Variants in LIPG observed in about 807,000 individuals in gnomAD.
LIPG encodes endothelial lipase.
A neutral mutation model predicts 51.8 loss-of-function variants in LIPG; 34 were observed. The ratio of observed to expected loss-of-function variants is 0.66; its 90% CI spans 0.50 to 0.87. The LOEUF (loss-of-function observed/expected upper bound fraction) is 0.87, where lower values mean the gene tolerates loss of function less well. LIPG is among the 40% of genes least tolerant of loss of function. The pLI, the probability that LIPG is intolerant of heterozygous loss-of-function variation, is 0.00. For synonymous variants in LIPG, 246 were observed against 246.1 expected (o/e 1.00, Z 0.00); for missense variants, 580 against 652.7 (o/e 0.89, Z 1.21).
In LIPG at chr18:49,581,578, T is replaced by C; in HGVS notation, c.957T>C (p.Ile319=). Residue 319 remains isoleucine, a synonymous_variant, in exon 6 of 10, where the codon ATT becomes ATC. Coordinates refer to ENST00000261292, the MANE Select transcript of LIPG (RefSeq NM_006033.4). ...LSCRKNRCNS[I]GYNAKKMRNK... The stretch of plus-strand genomic sequence containing the variant: ...GCCGCAAGAACCGTTGTAATAGCAT[T>C]GGCTACAATGCCAAGAAAATGAGGA... The C allele has an allele frequency of 6.2e-7, 1 of 1,614,212 alleles. No individual in the cohort carries two copies. The highest frequency in any genetic ancestry group is 1.7e-5 in the Admixed American group (1 of 60,020).
chr18:49,585,339 A>T (rs2084869708), intron 8 of LIPG, among the ~76,000 whole-genome samples: 1 of 152,230 alleles, frequency 6.6e-6, no homozygotes, highest in Non-Finnish European at 1.5e-5. Context: ...CTGAGATTAC[A>T]GGTGTGAGCC....
At chr18:49,562,620 G>A (rs529377459) in intron 1 of LIPG, among the ~76,000 whole-genome samples, 2 of 152,346 alleles carry the variant, frequency 1.3e-5, no homozygotes, top group South Asian at 2.1e-4. Flanking sequence ...AAGGCTGGCA[G>A]GGTGCGCTGG....
rs1159904081 is a variant in LIPG at position 49,593,006 on chromosome 18, C to T, written c.*2484C>T. The T allele has an allele frequency of 6.9e-6, 1 of 144,176 alleles. No homozygotes were observed. The highest frequency in any genetic ancestry group is 1.5e-5 in the Non-Finnish European group (1 of 66,826). The allele number at this position is 144,176 out of a possible 1,614,324, so 8.9% of individuals were successfully genotyped here. Reference sequence around the variant, plus strand: ...GGAGTGCAGTGGCAATCTTGGCTCACTACAACCTCTGCCTCCTGGGCTCAG... The same window carrying T: ...GGAGTGCAGTGGCAATCTTGGCTCATTACAACCTCTGCCTCCTGGGCTCAG... On this transcript the variant is annotated 3_prime_UTR_variant, in exon 10 of 10. Transcript: ENST00000261292.
At chr18:49,572,505 A>G (rs1363396078) in intron 4 of LIPG, among the ~76,000 whole-genome samples, 2 of 151,940 alleles carry the variant, frequency 1.3e-5, no homozygotes, top group African/African-American at 4.8e-5. Context: ...TGGGACTCAA[A>G]CCCATGCTGT....
chr18:49,593,550 GCTGATTTCTCTATTGGTTAAA>G lies in LIPG; in HGVS notation c.*3029_*3049del, dbSNP rs2084964157. 1 of 151,254 alleles carries G rather than the reference GCTGATTTCTCTATTGGTTAAA, an allele frequency of 6.6e-6. No homozygotes were observed. The highest frequency in any genetic ancestry group is 6.6e-5 in the Admixed American group (1 of 15,058). The allele number at this position is 151,254 out of a possible 1,614,324, so 9.4% of individuals were successfully genotyped here. On this transcript the variant is annotated 3_prime_UTR_variant, in exon 10 of 10. Coordinates refer to ENST00000261292, the MANE Select transcript of LIPG (RefSeq NM_006033.4). ...TATCAGTGACTTAGACCAGAGGGAA[GCTGATTTCTCTATTGGTTAAA>G]GTCCCAGCTGGTAGTAAGGTTCTAT... is the stretch of plus-strand genomic sequence containing the variant.
intron 9 of LIPG, 94 bp downstream of exon 9, chr18:49,586,944 A>G (rs2084886731): frequency 2.2e-6 from 2 of 906,662 alleles, no homozygotes; most frequent in Non-Finnish European, 3.6e-6. Flanking sequence ...CCAGGGACAT[A>G]GCATGAACAA....
chr18:49,575,506 G>A lies in LIPG; in HGVS notation c.709G>A (p.Gly237Ser). The A allele has an allele frequency of 6.2e-7, 1 of 1,614,162 alleles. No homozygotes were observed. Among genetic ancestry groups the A allele is most frequent in the Non-Finnish European group, 8.5e-7 (1 of 1,180,028 alleles). ...GLSIGIQMPV[G>S]HIDIYPNGGD... ...GAGCATTGGTATTCAGATGCCTGTG[G>A]GCCACATTGACATCTACCCCAATGG... Residue 237 changes from glycine to serine, a missense_variant, in exon 5 of 10, where the codon GGC becomes AGC. Transcript: ENST00000261292.
intron 5 of LIPG, among the ~76,000 whole-genome samples, chr18:49,579,383 C>T (rs1205160593): frequency 6.6e-6 from 1 of 151,752 alleles, no homozygotes; most frequent in East Asian, 1.9e-4. Context: ...ACAAATGATC[C>T]TCCTGCCTCA....
chr18:49,576,388 C>CT (rs1241020976), intron 5 of LIPG, among the ~76,000 whole-genome samples: 2 of 124,176 alleles, frequency 1.6e-5, no homozygotes, highest in South Asian at 5.1e-4. Flanking sequence ...TTTCAACTTT[C>CT]TTTTTTTTCC....
intron 5 of LIPG, among the ~76,000 whole-genome samples, chr18:49,577,738 C>CG (rs1370852020): frequency 2.8e-5 from 2 of 71,528 alleles, no homozygotes; most frequent in Non-Finnish European, 5.5e-5. Flanking sequence ...GCTGGCCGGG[C>CG]GGGGGGGCTG....
intron 4 of LIPG, 88 bp from the exon 5 acceptor site, chr18:49,575,281 C>T (rs904704390): frequency 3.0e-6 from 3 of 1,012,982 alleles, no homozygotes; most frequent in South Asian, 2.8e-5. Context: ...CATCTTCATT[C>T]TGCACACTCA....
intron 6 of LIPG, 102 bp from the exon 7 acceptor site, chr18:49,582,260 C>T (rs1161006127): frequency 2.8e-5 from 41 of 1,478,194 alleles, no homozygotes; most frequent in South Asian, 1.8e-4. Context: ...ACCAAAAGAA[C>T]ACCAGCCCTA....
chr18:49,562,769 C>A (rs959586682), intron 1 of LIPG, among the ~76,000 whole-genome samples: 2 of 152,042 alleles, frequency 1.3e-5, no homozygotes, highest in African/African-American at 2.4e-5. Context: ...GTTTGAGAGG[C>A]AAGAAGGCTG....
At chr18:49,578,235 T>G (rs2084751408) in intron 5 of LIPG, among the ~76,000 whole-genome samples, 3 of 132,372 alleles carry the variant, frequency 2.3e-5, no homozygotes, top group Admixed American at 2.2e-4. Context: ...ACGGGGCGGC[T>G]GCCGGGCGGA....
chr18:49,567,405 A>G lies in LIPG; in HGVS notation c.280-37A>G, dbSNP rs778371418. 1.2e-5 allele frequency: 19 copies of G among 1,601,180 alleles called. No homozygotes were observed. The South Asian group carries it at 1.8e-4, about 15-fold the overall frequency. Reference sequence around the variant, plus strand: ...TTCCATATTTTTTAGGATTTCTGAAACCAAGAATAAAAAACAACTTCCACT... The same window carrying G: ...TTCCATATTTTTTAGGATTTCTGAAGCCAAGAATAAAAAACAACTTCCACT... On this transcript the variant is annotated intron_variant, in intron 2 of 9. Coordinates refer to ENST00000261292, the MANE Select transcript of LIPG (RefSeq NM_006033.4).
Position 49,569,378 on chromosome 18 carries a change from T to C in LIPG, c.460-59T>C, listed in dbSNP as rs1430710834. 3.5e-6 allele frequency: 5 copies of C among 1,409,466 alleles called. No individual in the cohort carries two copies. In the African/African-American group the frequency reaches 7.0e-5, roughly 20 times the overall value. 87.3% of individuals were successfully genotyped at this position (1,409,466 alleles called of 1,614,324 possible). On this transcript the variant is annotated intron_variant, in intron 3 of 9. Transcript: ENST00000261292. ...CGTGACTGAGTTGTTGAACTGCTGG[T>C]GATTCTGGGGGCTCTGGACCCTGCT...
intron 5 of LIPG, among the ~76,000 whole-genome samples, chr18:49,576,028 G>C (rs1412852042): frequency 2.6e-5 from 4 of 151,858 alleles, no homozygotes; most frequent in African/African-American, 9.7e-5. Context: ...AGTAGAGATG[G>C]GTTTTCACCA....
chr18:49,578,956 G>C (rs1266522420), intron 5 of LIPG, among the ~76,000 whole-genome samples: 652 of 123,714 alleles, frequency 5.3e-3, no homozygotes, highest in Middle Eastern at 8.1e-3. Flanking sequence ...AGCCGAGATG[G>C]CAGCAGTACA....
In LIPG at chr18:49,569,533, G is replaced by C; in HGVS notation, c.556G>C (p.Val186Leu). The C allele has an allele frequency of 6.2e-7, 1 of 1,613,944 alleles. No individual in the cohort carries two copies. Among genetic ancestry groups the C allele is most frequent in the South Asian group, 1.1e-5 (1 of 91,066 alleles). ...GYAGNFVKGT[V>L]GRITGLDPAG... ...TGCAGGCAACTTCGTGAAAGGAACGGTGGGCCGAATCACAGGTGAGCTCCA... is the reference window on the plus strand; with the variant it reads ...TGCAGGCAACTTCGTGAAAGGAACGCTGGGCCGAATCACAGGTGAGCTCCA... The change falls in exon 4 of 10, where the codon GTG becomes CTG. Residue 186 changes from valine (V) to leucine (L), a missense_variant. By Grantham distance (32) the Val-to-Leu change is conservative. Transcript: ENST00000261292.
Sources: allele counts gnomAD v4.1 joint callset (sites outside exome capture counted in the v4.1 genomes callset), GRCh38; gene constraint gnomAD v4.1.1; transcripts MANE v1.5; gene names NCBI Gene and HGNC (gene_info 2026-07-23, HGNC 2026-07-21).